Variants in SCARA3 observed in about 807,000 individuals in gnomAD.
SCARA3 encodes scavenger receptor class A member 3, also known as cellular stress response gene protein.
In SCARA3, 39 loss-of-function variants were observed where a neutral mutation model predicts 47.0. The observed-to-expected ratio is 0.83, with a 90% CI of 0.64 to 1.08. The LOEUF (loss-of-function observed/expected upper bound fraction) is 1.08, where lower values mean the gene tolerates loss of function less well. Among genes scored for constraint, SCARA3 ranks in the 50% least tolerant of loss-of-function variants. The probability of loss-of-function intolerance (pLI) is 0.00; values close to 1 mark genes in which losing one functional copy is unlikely to be tolerated. For synonymous variants in SCARA3, 356 were observed against 334.1 expected, an observed-to-expected ratio of 1.07 and a Z score of -0.71; for missense variants, 724 against 792.3, an observed-to-expected ratio of 0.91 and a Z score of 1.04.
intron 3 of SCARA3, among the ~76,000 whole-genome samples, chr8:27,656,025 A>G (rs967693251): frequency 6.6e-6 from 1 of 152,180 alleles, no homozygotes; most frequent in Non-Finnish European, 1.5e-5. Flanking sequence ...CTTCTGACAT[A>G]TGGTCAAGGT....
At chr8:27,657,687 G>T (rs1801772429) in intron 4 of SCARA3, among the ~76,000 whole-genome samples, 2 of 150,956 alleles carry the variant, frequency 1.3e-5, no homozygotes. Flanking sequence ...ACTACAGGCG[G>T]CAGCCAGCAT....
At chr8:27,731,983 T>C in the SCARA3 span, among the ~76,000 whole-genome samples, 1 of 152,194 alleles carries the variant, frequency 6.6e-6, no homozygotes, top group Non-Finnish European at 1.5e-5. Flanking sequence ...AAGCTTCAAG[T>C]CTGACAGATC....
the SCARA3 span, among the ~76,000 whole-genome samples, chr8:27,689,193 C>G: frequency 6.6e-6 from 1 of 152,168 alleles, no homozygotes; most frequent in Non-Finnish European, 1.5e-5. Context: ...TTTGATAAAC[C>G]AGTTCCGGAA....
chr8:27,653,260 T>G (rs1390957385), intron 3 of SCARA3, among the ~76,000 whole-genome samples: 6 of 152,172 alleles, frequency 3.9e-5, no homozygotes, highest in Non-Finnish European at 8.8e-5. Context: ...TGAGACGCTG[T>G]CATGTGCATA....
Position 27,649,705 on chromosome 8 carries a change from G to A in SCARA3, c.11G>A (p.Arg4Lys), listed in dbSNP as rs1801588824. 2 of 1,614,084 alleles carry A rather than the reference G, an allele frequency of 1.2e-6. No homozygotes were observed. Among genetic ancestry groups the A allele is most frequent in the Middle Eastern group, 3.3e-4 (2 of 6,040 alleles). Reference protein sequence around the residue: MKVRSAGGDGDALC... With the variant: MKVKSAGGDGDALC... ...GACGGCACTGGCTTCATTATAGTGA[G>A]GTCGGCCGGCGGCGATGGAGATGCC... The change falls in exon 2 of 6, where the codon AGG (arginine) becomes AAG (lysine). Residue 4 changes from arginine (R) to lysine (K), a missense_variant. Arg to Lys is a conservative substitution (Grantham distance 26). Coordinates refer to ENST00000301904, the MANE Select transcript of SCARA3 (RefSeq NM_016240.3).
chr8:27,643,940 T>TC (rs1801437947), intron 1 of SCARA3, among the ~76,000 whole-genome samples: 1 of 152,120 alleles, frequency 6.6e-6, no homozygotes, highest in Admixed American at 6.5e-5. Context: ...GGTTAACAGG[T>TC]CCGGGCTATT....
At chr8:27,715,463 C>A in the SCARA3 span, among the ~76,000 whole-genome samples, 1 of 152,040 alleles carries the variant, frequency 6.6e-6, no homozygotes, top group Non-Finnish European at 1.5e-5. This position sits in a 1 kb window ranked among gnomAD's most constrained non-coding sequence, Gnocchi z 4.2. Context: ...TGGATACCCT[C>A]CCCGCCCCAC....
At chr8:27,646,697 G>A (rs1392486719) in intron 1 of SCARA3, among the ~76,000 whole-genome samples, 1 of 152,142 alleles carries the variant, frequency 6.6e-6, no homozygotes, top group Non-Finnish European at 1.5e-5. Context: ...GAGAGGCCAT[G>A]GCTACTAGGG....
the SCARA3 span, chr8:27,701,818 A>G: frequency 6.5e-6 from 1 of 154,034 alleles, no homozygotes; most frequent in Non-Finnish European, 1.5e-5. Context: ...GACTGATGCT[A>G]GGGTGACCAA....
At chr8:27,733,049 GCTGTAAACT>G in the SCARA3 span, among the ~76,000 whole-genome samples, 35 of 152,202 alleles carry the variant, frequency 2.3e-4, no homozygotes. Context: ...AGAGGGTCAA[GCTGTAAACT>G]CCAAGTACTA....
the SCARA3 span, among the ~76,000 whole-genome samples, chr8:27,686,846 T>C: frequency 1.3e-5 from 2 of 152,184 alleles, no homozygotes; most frequent in Admixed American, 6.5e-5. Flanking sequence ...GTTTGTTACG[T>C]AGGTAAACGT....
the SCARA3 span, among the ~76,000 whole-genome samples, chr8:27,686,243 C>A: frequency 6.6e-6 from 1 of 151,974 alleles, no homozygotes; most frequent in African/African-American, 2.4e-5. Flanking sequence ...GAGTTAGAGA[C>A]TAGCCAGGGC....
chr8:27,651,626 G>A lies in SCARA3; in HGVS notation c.225G>A (p.Leu75=). 1 of 1,613,972 alleles carries A rather than the reference G, an allele frequency of 6.2e-7. No individual in the cohort carries two copies. The highest frequency in any genetic ancestry group is 8.5e-7 in the Non-Finnish European group (1 of 1,179,976). ...TGGCCGTGGCTGTGTTGGCCTCTCT[G>A]GGTGAGTCCGGGGCTTTCCCACCCC... The part of the protein sequence containing the change: ...LLVAVAVLAS[L]VFRKVDSLSE... The change falls in exon 3 of 6, where the codon CTG becomes CTA. Residue 75 remains leucine, a splice_region_variant and synonymous_variant. Coordinates refer to ENST00000301904, the MANE Select transcript of SCARA3 (RefSeq NM_016240.3).
chr8:27,686,575 T>TG, the SCARA3 span, among the ~76,000 whole-genome samples: 1 of 152,166 alleles, frequency 6.6e-6, no homozygotes, highest in East Asian at 1.9e-4. Flanking sequence ...TGGGGCCTCC[T>TG]GGGGGGCCAG....
rs80039004 is a variant in SCARA3 at position 27,657,170 on chromosome 8, C to T, written c.325+290C>T. Among the ~76,000 whole-genome samples the T allele has an allele frequency of 1.6e-3, 248 of 152,272 alleles. 2 individuals carry two copies. The highest frequency in any genetic ancestry group is 5.9e-3 in the African/African-American group (246 of 41,552). Reference sequence around the variant, plus strand: ...AGATAGTCCATTCCCAAAATAGCCTCATGCATCTGAAATGATGAGAGTTTC... The same window carrying T: ...AGATAGTCCATTCCCAAAATAGCCTTATGCATCTGAAATGATGAGAGTTTC... On this transcript the variant is annotated intron_variant, in intron 4 of 5. Transcript: ENST00000301904.
intron 5 of SCARA3, among the ~76,000 whole-genome samples, chr8:27,668,345 C>T (rs942125141): frequency 2.7e-5 from 4 of 150,104 alleles, no homozygotes; most frequent in Admixed American, 1.3e-4. Context: ...TCGAGACCAT[C>T]CTGGCTAACA....
At chr8:27,702,554 G>A in the SCARA3 span, 1 of 152,256 alleles carries the variant, frequency 6.6e-6, no homozygotes, top group Non-Finnish European at 1.5e-5. Context: ...CGAGCCATAG[G>A]GGAGTGACGC....
chr8:27,717,969 A>G, the SCARA3 span, among the ~76,000 whole-genome samples: 1 of 151,628 alleles, frequency 6.6e-6, no homozygotes, highest in African/African-American at 2.4e-5. Context: ...ACCTCCCCAG[A>G]CTCCCAGGTG....
chr8:27,681,350 G>A (rs1386218192), downstream of SCARA3, among the ~76,000 whole-genome samples: 2 of 151,776 alleles, frequency 1.3e-5, no homozygotes, highest in African/African-American at 4.8e-5. Context: ...TTTAAAAAAC[G>A]AAATTCAAGA....
Sources: allele counts gnomAD v4.1 joint callset (sites outside exome capture counted in the v4.1 genomes callset), GRCh38; gene constraint gnomAD v4.1.1; non-coding constraint Gnocchi (gnomAD v3.1); transcripts MANE v1.5; gene names NCBI Gene and HGNC (gene_info 2026-07-23, HGNC 2026-07-21).